ZNF536: variants seen among roughly 807,000 people sequenced by gnomAD.
ZNF536 encodes zinc finger protein 536.
A neutral mutation model predicts 84.5 loss-of-function variants in ZNF536; 13 were observed. The observed-to-expected ratio is 0.15, with a 90% confidence interval of 0.10 to 0.24. ZNF536 has a LOEUF of 0.24. Among genes scored for constraint, ZNF536 ranks in the 10% least tolerant of loss-of-function variants. The pLI is 1.00. For synonymous variants in ZNF536, 811 were observed against 742.5 expected (o/e 1.09, Z -1.50); for missense variants, 1,536 against 1,747.5 (o/e 0.88, Z 2.16).
intron 1 of ZNF536, among the ~76,000 whole-genome samples, chr19:30,563,478 G>T (rs938019046): frequency 6.6e-6 from 1 of 152,270 alleles, no homozygotes; most frequent in South Asian, 2.1e-4. Context: ...TTGTATCAGT[G>T]GTTTTTGGGT....
chr19:30,296,086 T>G (rs2045988291), intron 2 of ZNF536: 1 of 152,250 alleles, frequency 6.6e-6, no homozygotes, highest in Non-Finnish European at 1.5e-5. Flanking sequence ...CCGTGCTCAT[T>G]TATATGCATG....
intron 1 of ZNF536, among the ~76,000 whole-genome samples, chr19:30,572,293 G>A (rs1448429087): frequency 6.6e-6 from 1 of 152,200 alleles, no homozygotes; most frequent in African/African-American, 2.4e-5. Context: ...GCACATTCAT[G>A]GGAGAGGGGT....
intron 2 of ZNF536, among the ~76,000 whole-genome samples, chr19:30,476,062 G>C (rs182347525): frequency 3.9e-5 from 6 of 152,282 alleles, no homozygotes; most frequent in African/African-American, 1.4e-4. Flanking sequence ...CCAAGGGCTC[G>C]TCTTCTGAAG....
intron 2 of ZNF536, among the ~76,000 whole-genome samples, chr19:30,293,921 C>T (rs1041941580): frequency 6.6e-6 from 1 of 152,144 alleles, no homozygotes; most frequent in African/African-American, 2.4e-5. Context: ...TATGCCCATA[C>T]ATTTTGGAAA....
intron 1 of ZNF536, among the ~76,000 whole-genome samples, chr19:30,600,081 G>A (rs911165787): frequency 6.8e-6 from 1 of 147,716 alleles, no homozygotes; most frequent in Non-Finnish European, 1.5e-5. Flanking sequence ...TTTTGTTTTT[G>A]TTTTTGTTTT....
Position 30,678,735 on chromosome 19 carries a change from C to A in ZNF536, c.170-32022C>A, listed in dbSNP as rs560602258. 1.0e-4 allele frequency among the ~76,000 whole-genome samples: 15 copies of A among 150,392 alleles called. No individual in the cohort carries two copies. In the East Asian group the frequency reaches 2.8e-3, roughly 28 times the overall value. On this transcript the variant is annotated intron_variant, in intron 1 of 1. Transcript: ENST00000592773. ...AGCTCCTTGGTACCCACCCCCAAGC[C>A]CCCCCACACACACCTATACCCTTAC...
chr19:30,603,594 T>C (rs183114558), intron 1 of ZNF536, among the ~76,000 whole-genome samples: 5 of 152,168 alleles, frequency 3.3e-5, no homozygotes, highest in African/African-American at 4.8e-5. Context: ...ATTAAACATA[T>C]AATTTAAAAA....
At chr19:30,442,419 G>C (rs1181604397) in intron 1 of ZNF536, among the ~76,000 whole-genome samples, 1 of 152,208 alleles carries the variant, frequency 6.6e-6, no homozygotes. Context: ...GGTACAATTT[G>C]TACTCATTAT....
At chr19:30,570,179 T>C (rs2046494029) in intron 1 of ZNF536, among the ~76,000 whole-genome samples, 2 of 152,206 alleles carry the variant, frequency 1.3e-5, no homozygotes, top group African/African-American at 4.8e-5. Flanking sequence ...GGACTCATGG[T>C]GACAAGGCAA....
At chr19:30,314,145 G>A (rs2046600267) in intron 2 of ZNF536, among the ~76,000 whole-genome samples, 1 of 152,178 alleles carries the variant, frequency 6.6e-6, no homozygotes, top group Non-Finnish European at 1.5e-5. Flanking sequence ...ATTGGCAGAG[G>A]GCTCTGCTCA....
In ZNF536 at chr19:30,283,741, G is replaced by GA. The variant is rs1491388908; in HGVS notation, c.-189-331_-189-330insA. On this transcript the variant is annotated intron_variant, in intron 1 of 5. Transcript: ENST00000585628. ...ACAGCGAGAGAGAAAGAGAGAGAGA[G>GA]GGAGAGAGAGAGAGAGAGAGAGCCC... 1.5e-3 allele frequency among the ~76,000 whole-genome samples: 206 copies of GA among 141,118 alleles called. 2 individuals are homozygous for GA. The highest frequency in any genetic ancestry group is 5.3e-3 in the African/African-American group (188 of 35,356). The allele number at this position is 141,118 out of a possible 152,430, so 92.6% of individuals were successfully genotyped here.
intron 1 of ZNF536, among the ~76,000 whole-genome samples, chr19:30,251,281 G>T (rs2024595291): frequency 6.6e-6 from 1 of 152,172 alleles, no homozygotes. Flanking sequence ...CCATCTAGTA[G>T]ATTAATGTGG....
intron 2 of ZNF536, among the ~76,000 whole-genome samples, chr19:30,513,621 G>T (rs2055510917): frequency 6.6e-6 from 1 of 152,150 alleles, no homozygotes; most frequent in African/African-American, 2.4e-5. Context: ...AATATCAGAA[G>T]AAATGAACCA....
chr19:30,533,839 C>T (rs1304870426), intron 2 of ZNF536, among the ~76,000 whole-genome samples: 2 of 152,216 alleles, frequency 1.3e-5, no homozygotes, highest in East Asian at 3.9e-4. Context: ...CAGGCTCCTG[C>T]TCTGTGGGGA....
intron 1 of ZNF536, among the ~76,000 whole-genome samples, chr19:30,392,727 G>A (rs544561364): frequency 5.3e-5 from 8 of 152,188 alleles, no homozygotes; most frequent in Non-Finnish European, 1.2e-4. Flanking sequence ...AATTGCACGA[G>A]TAACTTATTT....
chr19:30,448,436 G>A (rs1174684470), intron 2 of ZNF536, among the ~76,000 whole-genome samples: 1 of 152,176 alleles, frequency 6.6e-6, no homozygotes, highest in Non-Finnish European at 1.5e-5. Context: ...AAACCTGCAA[G>A]GTGAAGGAGA....
In ZNF536 at chr19:30,700,802, A is replaced by C. The variant is rs906098800; in HGVS notation, c.170-9955A>C. Among the ~76,000 whole-genome samples, 4 of 152,314 alleles carry C rather than the reference A, an allele frequency of 2.6e-5. No homozygotes were observed. In the East Asian group the frequency reaches 7.7e-4, roughly 29 times the overall value. On this transcript the variant is annotated intron_variant, in intron 1 of 1. Coordinates refer to the ZNF536 transcript ENST00000592773. ...CCTTTTTAATGTATCCAACTGACCT[A>C]TAGTGATGAAGACCTATAGTTTCTT...
At chr19:30,436,070 C>A (rs945082966) in intron 1 of ZNF536, among the ~76,000 whole-genome samples, 1 of 152,154 alleles carries the variant, frequency 6.6e-6, no homozygotes, top group East Asian at 1.9e-4. Flanking sequence ...CTGCCTGGGG[C>A]TCCATGGGAC....
chr19:30,457,651 G>C (rs2052917134), intron 2 of ZNF536, among the ~76,000 whole-genome samples: 1 of 152,256 alleles, frequency 6.6e-6, no homozygotes, highest in Non-Finnish European at 1.5e-5. Context: ...TGACCATGCT[G>C]TCCTTGGAGG....
Sources: allele counts gnomAD v4.1 joint callset (sites outside exome capture counted in the v4.1 genomes callset), GRCh38; gene constraint gnomAD v4.1.1; transcripts MANE v1.5; gene names NCBI Gene and HGNC (gene_info 2026-07-23, HGNC 2026-07-21).